The following POU2F3 variants were observed in gnomAD, a reference collection of about 807,000 sequenced individuals.
The protein encoded by POU2F3 is POU class 2 homeobox 3.
In POU2F3, 23 loss-of-function variants were observed where a neutral mutation model predicts 59.2. The ratio of observed to expected loss-of-function variants is 0.39; its 90% CI spans 0.28 to 0.55. The LOEUF is 0.55. Among genes scored for constraint, POU2F3 ranks in the 20% least tolerant of loss-of-function variants. The pLI, the probability that POU2F3 is intolerant of heterozygous loss-of-function variation, is 0.66. For synonymous variants in POU2F3, 190 were observed against 214.6 expected, an observed-to-expected ratio of 0.89 and a Z score of 1.00; for missense variants, 473 against 544.5, an observed-to-expected ratio of 0.87 and a Z score of 1.31.
chr11:120,317,594 C>T (rs926784248), intron 12 of POU2F3, among the ~76,000 whole-genome samples: 2 of 152,314 alleles, frequency 1.3e-5, no homozygotes, highest in African/African-American at 2.4e-5. Context: ...CTGATGTCAA[C>T]AAAGTCAAAA....
chr11:120,284,502 G>A (rs1940704602), intron 3 of POU2F3, among the ~76,000 whole-genome samples: 1 of 152,160 alleles, frequency 6.6e-6, no homozygotes, highest in Non-Finnish European at 1.5e-5. Context: ...TCTCAGTGTT[G>A]GCTTGGTGGT....
intron 1 of POU2F3, 112 bp from the exon 2 acceptor site, chr11:120,246,337 T>G: frequency 2.7e-6 from 3 of 1,097,130 alleles, no homozygotes; most frequent in Non-Finnish European, 4.1e-6. Flanking sequence ...AATTTGAAAG[T>G]CTGATGGTTG....
chr11:120,242,918 G>A (rs1300665218), intron 1 of POU2F3, among the ~76,000 whole-genome samples: 1 of 152,168 alleles, frequency 6.6e-6, no homozygotes, highest in Non-Finnish European at 1.5e-5. Flanking sequence ...TAGGGAGGCA[G>A]ATAAGAGACA....
chr11:120,258,442 G>A (rs549425952), intron 2 of POU2F3, among the ~76,000 whole-genome samples: 1 of 152,220 alleles, frequency 6.6e-6, no homozygotes, highest in Admixed American at 6.5e-5. Flanking sequence ...CTGGTCGCAT[G>A]ACTTTTAGCA....
chr11:120,242,118 C>T (rs1378019120), intron 1 of POU2F3, among the ~76,000 whole-genome samples: 1 of 152,174 alleles, frequency 6.6e-6, no homozygotes, highest in Non-Finnish European at 1.5e-5. Flanking sequence ...CCTGCTCCCT[C>T]CCCAGCCCAT....
chr11:120,247,378 C>T (rs1938916811), intron 2 of POU2F3, among the ~76,000 whole-genome samples: 1 of 152,162 alleles, frequency 6.6e-6, no homozygotes, highest in Non-Finnish European at 1.5e-5. Flanking sequence ...CAGTGTAGTT[C>T]CATTCTTGAA....
chr11:120,317,779 T>G (rs1405409243), intron 12 of POU2F3, among the ~76,000 whole-genome samples: 1 of 152,136 alleles, frequency 6.6e-6, no homozygotes, highest in Non-Finnish European at 1.5e-5. Context: ...AAGGGGGAAG[T>G]GGTGCCAATT....
At chr11:120,281,875 G>A (rs539279851) in intron 3 of POU2F3, among the ~76,000 whole-genome samples, 1 of 148,638 alleles carries the variant, frequency 6.7e-6, no homozygotes, top group Admixed American at 6.8e-5. Flanking sequence ...GGAAAAATAG[G>A]ATCAACCTTA....
chr11:120,241,092 G>A (rs533105382), intron 1 of POU2F3, among the ~76,000 whole-genome samples: 6 of 152,354 alleles, frequency 3.9e-5, no homozygotes, highest in African/African-American at 1.4e-4. Flanking sequence ...TTCCACAGCT[G>A]GGCTAAGGCA....
intron 2 of POU2F3, among the ~76,000 whole-genome samples, chr11:120,247,798 G>A (rs1350770281): frequency 6.6e-6 from 1 of 152,184 alleles, no homozygotes; most frequent in Non-Finnish European, 1.5e-5. Flanking sequence ...ACCAGCCCAG[G>A]AGCCATGATC....
intron 1 of POU2F3, among the ~76,000 whole-genome samples, chr11:120,244,332 A>C (rs972418579): frequency 6.6e-6 from 1 of 152,212 alleles, no homozygotes; most frequent in African/African-American, 2.4e-5. Context: ...CTAGCATCTA[A>C]GCCTAAGTGT....
intron 3 of POU2F3, among the ~76,000 whole-genome samples, chr11:120,295,988 A>G (rs1941182712): frequency 6.6e-6 from 1 of 152,212 alleles, no homozygotes; most frequent in Admixed American, 6.5e-5. Context: ...TGCTTTGTCT[A>G]AGAACACAGC....
At chr11:120,316,094 G>C (rs976712572) in intron 11 of POU2F3, among the ~76,000 whole-genome samples, 2 of 151,964 alleles carry the variant, frequency 1.3e-5, no homozygotes, top group Non-Finnish European at 2.9e-5. Flanking sequence ...GGCTGGTCTT[G>C]AACTCCTGAC....
intron 5 of POU2F3, chr11:120,301,903 AGCCCTAGCTTG>A (rs1941358552): frequency 5.9e-6 from 1 of 168,804 alleles, no homozygotes; most frequent in Non-Finnish European, 1.3e-5. Context: ...CAAAATCCTC[AGCCCTAGCTTG>A]AATTCTCAGC....
At chr11:120,289,293 G>T (rs973316528) in intron 3 of POU2F3, among the ~76,000 whole-genome samples, 1 of 152,128 alleles carries the variant, frequency 6.6e-6, no homozygotes, top group African/African-American at 2.4e-5. Flanking sequence ...TATTCTAAAA[G>T]CTCTCCAGTC....
At chr11:120,236,675 T>G (rs759399705), upstream of POU2F3, 1 of 1,503,848 alleles carries the variant, frequency 6.6e-7, no homozygotes, top group South Asian at 1.2e-5. Context: ...ACCGGTTTCA[T>G]GGAGTCTCCA....
At chr11:120,315,043 C>T (rs1302204360) in intron 10 of POU2F3, among the ~76,000 whole-genome samples, 1 of 152,248 alleles carries the variant, frequency 6.6e-6, no homozygotes, top group Non-Finnish European at 1.5e-5. Flanking sequence ...TCTTGCTCAC[C>T]TCCAGGGCTC....
intron 8 of POU2F3, among the ~76,000 whole-genome samples, chr11:120,306,240 T>TAC (rs1941483072): frequency 6.6e-6 from 1 of 151,852 alleles, no homozygotes; most frequent in African/African-American, 2.4e-5. Context: ...TTGAGGAGGT[T>TAC]TTCAGCAGAC....
At position 120,298,389 on chromosome 11, in the gene POU2F3, A is replaced by G; in HGVS notation, c.257A>G (p.Gln86Arg). The G allele has an allele frequency of 1.2e-6, 2 of 1,613,494 alleles. No individual in the cohort carries two copies. Among genetic ancestry groups the G allele is most frequent in the Non-Finnish European group, 1.7e-6 (2 of 1,179,822 alleles). ...TCTGGGCTAAATGCCAGCCCATGTC[A>G]GGTAACACTGTGATTTTCACAGTGG... Reference protein sequence around the residue: ...QMSGLNASPCQDMASLHPLQQ... With the variant: ...QMSGLNASPCRDMASLHPLQQ... Residue 86 changes from glutamine (Q) to arginine (R), a missense_variant and splice_region_variant, in exon 4 of 13, where the codon CAG (glutamine) becomes CGG (arginine). Coordinates refer to ENST00000543440, the MANE Select transcript of POU2F3 (RefSeq NM_014352.4).
Sources: allele counts gnomAD v4.1 joint callset (sites outside exome capture counted in the v4.1 genomes callset), GRCh38; gene constraint gnomAD v4.1.1; transcripts MANE v1.5; gene names NCBI Gene and HGNC (gene_info 2026-07-23, HGNC 2026-07-21).